TECR: variants seen among roughly 807,000 people sequenced by gnomAD.
TECR encodes very-long-chain enoyl-CoA reductase.
A neutral mutation model predicts 50.6 loss-of-function variants in TECR; 19 were observed. The ratio of observed to expected loss-of-function variants is 0.38; its 90% CI spans 0.26 to 0.55. The LOEUF (loss-of-function observed/expected upper bound fraction) is 0.55. TECR is among the 20% of genes least tolerant of loss of function. TECR has a pLI of 0.79. For missense variants in TECR, 313 were observed against 408.3 expected (o/e 0.77, Z 2.01); for synonymous variants, 168 against 163.5 (o/e 1.03, Z -0.21).
chr19:14,551,566 G>A (rs1489407395), intron 1 of TECR, among the ~76,000 whole-genome samples: 1 of 152,138 alleles, frequency 6.6e-6, no homozygotes, highest in African/African-American at 2.4e-5. Flanking sequence ...TTGAGGACGC[G>A]CCCCTGCTTT....
chr19:14,544,720 A>T (rs575267303), intron 1 of TECR, among the ~76,000 whole-genome samples: 2 of 150,394 alleles, frequency 1.3e-5, no homozygotes, highest in African/African-American at 4.9e-5. Flanking sequence ...TGCAACTCCA[A>T]CTCCTGGGTT....
intron 1 of TECR, among the ~76,000 whole-genome samples, chr19:14,554,072 GC>G (rs1186834550): frequency 6.6e-6 from 1 of 152,208 alleles, no homozygotes; most frequent in East Asian, 1.9e-4. Flanking sequence ...CTGCAAGGGG[GC>G]CCTGGAGGCC....
At chr19:14,555,464 T>TTA in intron 1 of TECR, among the ~76,000 whole-genome samples, 2 of 136,534 alleles carry the variant, frequency 1.5e-5, no homozygotes, top group Non-Finnish European at 3.1e-5. Context: ...TTTTTTTTTT[T>TTA]AGACAGAGCC....
At chr19:14,539,867 TTG>T (rs1292393007) in intron 1 of TECR, among the ~76,000 whole-genome samples, 1 of 131,714 alleles carries the variant, frequency 7.6e-6, no homozygotes, top group African/African-American at 2.9e-5. Context: ...TGGGCTTGGG[TTG>T]TGTTTTCTTT....
rs758771173 is a variant in TECR at position 14,565,282 on chromosome 19, A to G, written c.745A>G (p.Thr249Ala). 1.9e-6 allele frequency: 3 copies of G among 1,612,546 alleles called. No individual in the cohort carries two copies. The highest frequency in any genetic ancestry group is 2.5e-6 in the Non-Finnish European group (3 of 1,179,722). Residue 249 changes from threonine to alanine, a missense_variant, in exon 11 of 13, where the codon ACC becomes GCC. Thr to Ala is a moderately conservative substitution (Grantham distance 58). Transcript: ENST00000215567. Reference sequence around the variant, plus strand: ...CCTGCTGGTGTCCTGCCCCAACTACACCTACGAGGTGAGGGGCTGCCTTAC... The same window carrying G: ...CCTGCTGGTGTCCTGCCCCAACTACGCCTACGAGGTGAGGGGCTGCCTTAC... ...LFLLVSCPNY[T>A]YEVGSWIGFA... is the part of the protein sequence containing the mutation.
intron 1 of TECR, among the ~76,000 whole-genome samples, chr19:14,550,634 A>G (rs554876287): frequency 6.6e-6 from 1 of 152,054 alleles, no homozygotes; most frequent in Non-Finnish European, 1.5e-5. Flanking sequence ...TGGCCTTTAC[A>G]CTGGAGCTCC....
chr19:14,542,438 T>A (rs1416773628), intron 1 of TECR, among the ~76,000 whole-genome samples: 6 of 138,298 alleles, frequency 4.3e-5, no homozygotes, highest in African/African-American at 1.1e-4. Context: ...CTCGGCTCAC[T>A]GCAACCTCCG....
chr19:14,563,490 G>A lies in TECR; in HGVS notation c.119-168G>A. On this transcript the variant is annotated intron_variant, in intron 3 of 12. Coordinates refer to ENST00000215567, the MANE Select transcript of TECR (RefSeq NM_138501.6). The surrounding 1 kb of genome is among the most constrained non-coding windows in gnomAD (Gnocchi z 5.3). ...GCTTCTGCCCGCGCTCTTCTGGCTTGTGTCCTGAAACCGCACAAGCCTGAG... is the reference window on the plus strand; with the variant it reads ...GCTTCTGCCCGCGCTCTTCTGGCTTATGTCCTGAAACCGCACAAGCCTGAG... 1.1e-6 allele frequency: 1 copy of A among 936,300 alleles called. No homozygotes were observed. The highest frequency in any genetic ancestry group is 1.7e-6 in the Non-Finnish European group (1 of 603,724). 58.0% of individuals were successfully genotyped at this position (936,300 alleles called of 1,614,324 possible). A position where few individuals can be genotyped will look rare whatever the true frequency, so the allele number is the denominator to read the frequency against.
At chr19:14,547,343 CTATTT>C (rs149850437) in intron 1 of TECR, among the ~76,000 whole-genome samples, 5 of 151,592 alleles carry the variant, frequency 3.3e-5, no homozygotes, top group Non-Finnish European at 4.4e-5. Flanking sequence ...CGTACCTGGC[CTATTT>C]TATTTTATTT....
intron 1 of TECR, among the ~76,000 whole-genome samples, chr19:14,557,633 G>T (rs996990208): frequency 3.7e-4 from 53 of 144,748 alleles, no homozygotes; most frequent in Non-Finnish European, 5.9e-4. Context: ...TGTATCTTTG[G>T]TAGAGACGGG....
chr19:14,564,059 C>T lies in TECR; in HGVS notation c.345C>T (p.His115=). ...TCCGAGTGCCCTTCATCTATGGCCA[C>T]AAATATGACTTTACGTCCAGTCGGC... ...FYFRVPFIYG[H]KYDFTSSRHT... is the part of the protein sequence containing the mutation. Residue 115 remains histidine (H), a synonymous_variant, in exon 6 of 13, where the codon CAC becomes CAT. Transcript: ENST00000215567. 3 of 1,613,712 alleles carry T rather than the reference C, an allele frequency of 1.9e-6. No homozygotes were observed. The highest frequency in any genetic ancestry group is 2.2e-5 in the East Asian group (1 of 44,866).
chr19:14,564,299 T>TCCCCGCCTCACCCCTAAG lies in TECR; in HGVS notation c.489+21_489+38dup. On this transcript the variant is annotated intron_variant, in intron 7 of 12. Transcript: ENST00000215567. ...GCAACATCTTCAAGGTGAGAGCCCGTCCCCGCCTCACCCCTAAGCCCCGCC... is the reference window on the plus strand; with the variant it reads ...GCAACATCTTCAAGGTGAGAGCCCGTCCCCGCCTCACCCCTAAGCCCCGCCTCACCCCTAAGCCCCGCC... 1 of 1,583,860 alleles carries TCCCCGCCTCACCCCTAAG rather than the reference T, an allele frequency of 6.3e-7. No individual in the cohort carries two copies.
At chr19:14,552,172 CTTTT>C (rs536176918) in intron 1 of TECR, among the ~76,000 whole-genome samples, 1 of 133,480 alleles carries the variant, frequency 7.5e-6, no homozygotes. Context: ...TTTCTTTTTT[CTTTT>C]TTTTTTTTTT....
rs368185901 is a variant in TECR, at chr19:14,542,039, T to C, written c.15+12328T>C. ...CTCAAGTGATCCGCCCACCTCGGCCTTCCAGAATGCTGGGATTACAGGCGT... is the reference window on the plus strand; with the variant it reads ...CTCAAGTGATCCGCCCACCTCGGCCCTCCAGAATGCTGGGATTACAGGCGT... On this transcript the variant is annotated intron_variant, in intron 1 of 12. Transcript: ENST00000215567. Among the ~76,000 whole-genome samples, 15 of 152,286 alleles carry C rather than the reference T, an allele frequency of 9.8e-5. No individual in the cohort carries two copies. In the East Asian group the frequency reaches 2.7e-3, roughly 27 times the overall value.
At chr19:14,556,511 C>T (rs914981379) in intron 1 of TECR, among the ~76,000 whole-genome samples, 6 of 152,052 alleles carry the variant, frequency 3.9e-5, no homozygotes, top group African/African-American at 1.4e-4. Flanking sequence ...GCTATCTGCC[C>T]CCACCCCCTG....
At chr19:14,529,540 G>T (rs1266083606), upstream of TECR, 4 of 1,091,494 alleles carry the variant, frequency 3.7e-6, no homozygotes, top group East Asian at 9.7e-5. Context: ...CTCGTGCCCT[G>T]ATTGGCCGAC....
chr19:14,529,169 C>G (rs1386177150), upstream of TECR: 3 of 219,676 alleles, frequency 1.4e-5, no homozygotes, highest in African/African-American at 6.8e-5. Context: ...CAGCCCCTAG[C>G]CCTCTCCTGC....
chr19:14,549,031 C>T (rs2073398235), intron 1 of TECR, among the ~76,000 whole-genome samples: 1 of 151,644 alleles, frequency 6.6e-6, no homozygotes, highest in South Asian at 2.1e-4. Flanking sequence ...TTTTTTCCAT[C>T]CGCTTAAAAA....
rs570569649 is a variant in TECR at position 14,556,346 on chromosome 19, G to A, written c.16-6179G>A. ...CCACTCTCAAATGGCCATCCTCTTG[G>A]AGGTTGCAGTGAGCCGAGATCGCGC... On this transcript the variant is annotated intron_variant, in intron 1 of 12. Transcript: ENST00000215567. Among the ~76,000 whole-genome samples the A allele has an allele frequency of 6.0e-4, 91 of 151,880 alleles. 1 individual carries two copies. In the South Asian group the frequency reaches 8.3e-3, roughly 14 times the overall value.
Sources: allele counts gnomAD v4.1 joint callset (sites outside exome capture counted in the v4.1 genomes callset), GRCh38; gene constraint gnomAD v4.1.1; non-coding constraint Gnocchi (gnomAD v3.1); transcripts MANE v1.5; gene names NCBI Gene and HGNC (gene_info 2026-07-23, HGNC 2026-07-21).